IMMP2L: variants seen among roughly 807,000 people sequenced by gnomAD.
The protein encoded by IMMP2L is mitochondrial inner membrane protease subunit 2.
Under a neutral mutation model 19.3 loss-of-function variants are expected in IMMP2L, and 18 were observed. The observed-to-expected ratio is 0.93, with a 90% CI of 0.64 to 1.38. The LOEUF is 1.38. IMMP2L is among the 40% of genes most tolerant of loss of function. IMMP2L has a pLI of 0.00. For missense variants in IMMP2L, 233 were observed against 218.2 expected (o/e 1.07, Z -0.43); for synonymous variants, 76 against 73.0 (o/e 1.04, Z -0.21).
intron 5 of IMMP2L, among the ~76,000 whole-genome samples, chr7:110,736,982 G>A (rs147419678): frequency 2.9e-4 from 44 of 152,248 alleles, no homozygotes; most frequent in Non-Finnish European, 4.1e-4. Flanking sequence ...GATCAGGGGC[G>A]GAATGCTACG....
At chr7:110,919,368 A>G (rs942313291) in intron 4 of IMMP2L, among the ~76,000 whole-genome samples, 2 of 152,210 alleles carry the variant, frequency 1.3e-5, no homozygotes, top group Non-Finnish European at 2.9e-5. Context: ...ACCTGCAAAT[A>G]ACCAGGATTT....
At chr7:111,275,839 C>T (rs889261371) in intron 3 of IMMP2L, among the ~76,000 whole-genome samples, 1 of 152,004 alleles carries the variant, frequency 6.6e-6, no homozygotes, top group Non-Finnish European at 1.5e-5. Flanking sequence ...TGGTCCTCAG[C>T]TAGATTGTTA....
chr7:110,931,431 C>T (rs1013025227), intron 4 of IMMP2L, among the ~76,000 whole-genome samples: 2 of 152,150 alleles, frequency 1.3e-5, no homozygotes, highest in Non-Finnish European at 1.5e-5. Flanking sequence ...TATTCCTCAT[C>T]TCCACAAACA....
intron 5 of IMMP2L, among the ~76,000 whole-genome samples, chr7:110,713,652 GTT>G (rs34712036): frequency 0.48 from 68,300 of 141,936 alleles, 16,828 homozygotes; most frequent in African/African-American, 0.66. Context: ...ATTTTTAGGT[GTT>G]TTTTTTTTTT....
At chr7:110,670,364 G>C (rs534952024) in intron 5 of IMMP2L, among the ~76,000 whole-genome samples, 6 of 152,274 alleles carry the variant, frequency 3.9e-5, no homozygotes, top group African/African-American at 1.4e-4. Context: ...TGTTATGAGA[G>C]TCCTAGCAAG....
chr7:111,157,571 C>A (rs1804780700), intron 3 of IMMP2L, among the ~76,000 whole-genome samples: 1 of 151,890 alleles, frequency 6.6e-6, no homozygotes, highest in African/African-American at 2.4e-5. Flanking sequence ...TTACCAGAGG[C>A]TAGGAAGCAT....
chr7:111,539,250 G>GAAAGAAAGAAAGAA (rs1848295283), intron 1 of IMMP2L, among the ~76,000 whole-genome samples: 2 of 143,706 alleles, frequency 1.4e-5, no homozygotes, highest in African/African-American at 5.2e-5. Flanking sequence ...AAGAAAGAAA[G>GAAAGAAAGAAAGAA]AAAGAAAGAA....
At chr7:110,799,622 C>T (rs774116823) in intron 5 of IMMP2L, among the ~76,000 whole-genome samples, 3 of 151,916 alleles carry the variant, frequency 2.0e-5, no homozygotes, top group African/African-American at 7.3e-5. Flanking sequence ...CACATTTACT[C>T]GAGGAACTAC....
At position 111,363,611 on chromosome 7, in the gene IMMP2L, G is replaced by A. The variant is rs562309473; in HGVS notation, c.239+123627C>T. On this transcript the variant is annotated intron_variant, in intron 3 of 5. Coordinates refer to ENST00000405709, the MANE Select transcript of IMMP2L (RefSeq NM_032549.4). ...ATTATCCTGGATTTCTGGAGTGTTA[G>A]TCTAGCTGATTTGTCTGCCTACGGT... is the stretch of plus-strand genomic sequence containing the variant. Among the ~76,000 whole-genome samples, 6 of 152,134 alleles carry A rather than the reference G, an allele frequency of 3.9e-5. No homozygotes were observed. In the East Asian group the frequency reaches 1.2e-3, roughly 29 times the overall value.
rs189160381 is a variant in IMMP2L at position 111,232,145 on chromosome 7, C to T, written c.239+255093G>A. Among the ~76,000 whole-genome samples the T allele has an allele frequency of 8.7e-4, 132 of 152,046 alleles. 4 individuals are homozygous for T. In the East Asian group the frequency reaches 0.019, roughly 22 times the overall value. Reference sequence around the variant, plus strand: ...AGTGTAGAAAAGTCACATGAATTTACATATGATTCTTCAACACAATTATTG... The same window carrying T: ...AGTGTAGAAAAGTCACATGAATTTATATATGATTCTTCAACACAATTATTG... On this transcript the variant is annotated intron_variant, in intron 3 of 5. Transcript: ENST00000405709.
chr7:110,967,806 ATTCTT>A (rs1315295286), intron 3 of IMMP2L, among the ~76,000 whole-genome samples: 1 of 152,078 alleles, frequency 6.6e-6, no homozygotes, highest in East Asian at 1.9e-4. Flanking sequence ...ATGTTTTTCT[ATTCTT>A]TTATCATGAA....
chr7:110,855,251 T>C (rs1806643944), intron 5 of IMMP2L, among the ~76,000 whole-genome samples: 1 of 152,038 alleles, frequency 6.6e-6, no homozygotes, highest in Non-Finnish European at 1.5e-5. Context: ...TAATCAAAGT[T>C]ATACAACCTA....
chr7:111,298,889 G>A (rs1821910775), intron 3 of IMMP2L, among the ~76,000 whole-genome samples: 1 of 151,932 alleles, frequency 6.6e-6, no homozygotes, highest in Admixed American at 6.6e-5. Context: ...GAAGAATGCA[G>A]GCAGTATGAA....
chr7:111,214,331 CTTTTTTTTT>C (rs1169450523), intron 3 of IMMP2L, among the ~76,000 whole-genome samples: 11 of 82,194 alleles, frequency 1.3e-4, no homozygotes, highest in Admixed American at 4.2e-4. Context: ...AATTTTTCTT[CTTTTTTTTT>C]TTTTTTTTTT....
chr7:111,084,628 T>TAC lies in IMMP2L; in HGVS notation c.240-121064_240-121063insGT, dbSNP rs1404969686. ...AAAGAACAAGCCTAGGATAAATACTTAAGAGGTAGATGAACCCACAATGAC... is the reference window on the plus strand; with the variant it reads ...AAAGAACAAGCCTAGGATAAATACTTACAAGAGGTAGATGAACCCACAATGAC... On this transcript the variant is annotated intron_variant, in intron 3 of 5. Transcript: ENST00000405709. 8.8e-3 allele frequency among the ~76,000 whole-genome samples: 1,346 copies of TAC among 152,192 alleles called. 19 individuals are homozygous for TAC. The highest frequency in any genetic ancestry group is 0.029 in the African/African-American group (1,220 of 41,510).
At chr7:111,212,100 T>C (rs992355880) in intron 3 of IMMP2L, among the ~76,000 whole-genome samples, 1 of 152,272 alleles carries the variant, frequency 6.6e-6, no homozygotes, top group Non-Finnish European at 1.5e-5. Context: ...AGCATTTGTA[T>C]TGCCATTTTG....
At chr7:111,254,631 T>C (rs928896117) in intron 3 of IMMP2L, among the ~76,000 whole-genome samples, 1 of 152,134 alleles carries the variant, frequency 6.6e-6, no homozygotes, top group Non-Finnish European at 1.5e-5. Context: ...TCAAGTCACA[T>C]ATATGTGCTT....
chr7:110,830,375 C>G (rs757087131), intron 5 of IMMP2L, among the ~76,000 whole-genome samples: 5 of 151,912 alleles, frequency 3.3e-5, no homozygotes, highest in African/African-American at 4.8e-5. Flanking sequence ...TGTTGGACTT[C>G]ACATGGGGGT....
intron 3 of IMMP2L, among the ~76,000 whole-genome samples, chr7:111,458,940 G>A (rs1839907861): frequency 6.6e-6 from 1 of 151,880 alleles, no homozygotes; most frequent in South Asian, 2.1e-4. Flanking sequence ...CAATACTTGG[G>A]GACATATAAT....
Sources: allele counts gnomAD v4.1 joint callset (sites outside exome capture counted in the v4.1 genomes callset), GRCh38; gene constraint gnomAD v4.1.1; transcripts MANE v1.5; gene names NCBI Gene and HGNC (gene_info 2026-07-23, HGNC 2026-07-21).